The following ATXN7L1 variants were observed in gnomAD, a reference collection of about 807,000 sequenced individuals.
ATXN7L1 encodes the protein ataxin 7 like 1.
In ATXN7L1, 15 loss-of-function variants were observed where a neutral mutation model predicts 70.8. The observed-to-expected ratio is 0.21, with a 90% CI of 0.14 to 0.33. The LOEUF is 0.33. ATXN7L1 is among the 10% of genes least tolerant of loss of function. The pLI is 1.00. For synonymous variants in ATXN7L1, 440 were observed against 445.1 expected, an observed-to-expected ratio of 0.99 and a Z score of 0.14; for missense variants, 975 against 1,097.1, an observed-to-expected ratio of 0.89 and a Z score of 1.57.
intron 2 of ATXN7L1, among the ~76,000 whole-genome samples, chr7:105,815,932 G>A (rs1008444605): frequency 2.6e-5 from 4 of 152,146 alleles, no homozygotes; most frequent in South Asian, 2.1e-4. Context: ...TAGACAAAGC[G>A]GTCTTTTAAA....
intron 4 of ATXN7L1, among the ~76,000 whole-genome samples, chr7:105,659,186 G>T (rs994284114): frequency 6.6e-6 from 1 of 152,164 alleles, no homozygotes; most frequent in Non-Finnish European, 1.5e-5. Context: ...TTCCAATGTG[G>T]CTGTTGAAAA....
chr7:105,620,083 A>T (rs1794707743), intron 9 of ATXN7L1, 117 bp downstream of exon 9: 2 of 1,303,080 alleles, frequency 1.5e-6, no homozygotes, highest in African/African-American at 3.0e-5. Context: ...AAGCATCCTG[A>T]CTTCAGAATC....
intron 5 of ATXN7L1, among the ~76,000 whole-genome samples, chr7:105,641,209 TC>T (rs1798139103): frequency 4.7e-5 from 5 of 105,718 alleles, no homozygotes; most frequent in African/African-American, 1.5e-4. Flanking sequence ...TCTCTCTCTC[TC>T]TCTCTTTTTT....
intron 3 of ATXN7L1, among the ~76,000 whole-genome samples, chr7:105,740,972 G>C (rs1162515182): frequency 5.3e-5 from 8 of 151,880 alleles, no homozygotes; most frequent in Non-Finnish European, 1.2e-4. Flanking sequence ...CACCATGTTA[G>C]CCAGGATGGT....
intron 3 of ATXN7L1, chr7:105,677,971 C>T (rs1562992707): frequency 1.0e-6 from 1 of 985,462 alleles, no homozygotes. Context: ...GGTCCCACAG[C>T]AGCCACTAAT....
chr7:105,688,999 AT>A (rs1790370354), intron 3 of ATXN7L1, among the ~76,000 whole-genome samples: 1 of 152,232 alleles, frequency 6.6e-6, no homozygotes, highest in Non-Finnish European at 1.5e-5. Context: ...TGAATGGACT[AT>A]GGCAAAGTGA....
intron 4 of ATXN7L1, among the ~76,000 whole-genome samples, chr7:105,659,120 C>T (rs1005725699): frequency 6.6e-6 from 1 of 151,584 alleles, no homozygotes; most frequent in Non-Finnish European, 1.5e-5. Flanking sequence ...CTGGGTGACA[C>T]AGCAGGACTC....
intron 3 of ATXN7L1, among the ~76,000 whole-genome samples, chr7:105,695,943 T>C (rs1468118906): frequency 6.6e-6 from 1 of 152,154 alleles, no homozygotes; most frequent in African/African-American, 2.4e-5. Flanking sequence ...TAGGGATGAA[T>C]AGAGGTGTTT....
chr7:105,789,289 T>A lies in ATXN7L1; in HGVS notation c.251-581A>T, dbSNP rs1266844143. The stretch of plus-strand genomic sequence containing the variant: ...TAAATATTTACTGAGTGCCTGAATG[T>A]GCCAGGCACTGTGCTAGGTGCTGGG... On this transcript the variant is annotated intron_variant, in intron 2 of 11. Coordinates refer to ENST00000419735, the MANE Select transcript of ATXN7L1 (RefSeq NM_020725.2). Among the ~76,000 whole-genome samples the A allele has an allele frequency of 7.9e-5, 12 of 152,198 alleles. No homozygotes were observed. The East Asian group carries it at 2.3e-3, about 29-fold the overall frequency.
At chr7:105,673,148 A>T (rs1230295409) in intron 3 of ATXN7L1, among the ~76,000 whole-genome samples, 1 of 152,212 alleles carries the variant, frequency 6.6e-6, no homozygotes, top group Admixed American at 6.5e-5. Context: ...CACTCTCTGA[A>T]GATAAAATCC....
intron 5 of ATXN7L1, 116 bp from the exon 6 acceptor site, chr7:105,639,685 G>T: frequency 2.7e-6 from 2 of 743,920 alleles, no homozygotes; most frequent in Non-Finnish European, 2.2e-6. Context: ...ACATTGTCAG[G>T]CAATCTGTTT....
chr7:105,743,290 T>A lies in ATXN7L1; in HGVS notation c.355+45314A>T, dbSNP rs74931066. On this transcript the variant is annotated intron_variant, in intron 3 of 11. Transcript: ENST00000419735. ...ATCTGTGCCAAGAACTGGGGCCAGGTACTCAGCACATTGCTCCTATTGCCA... is the reference window on the plus strand; with the variant it reads ...ATCTGTGCCAAGAACTGGGGCCAGGAACTCAGCACATTGCTCCTATTGCCA... Among the ~76,000 whole-genome samples the A allele has an allele frequency of 9.9e-5, 15 of 152,132 alleles. No individual in the cohort carries two copies. The East Asian group carries it at 2.5e-3, about 25-fold the overall frequency.
chr7:105,752,589 A>G (rs1373600737), intron 3 of ATXN7L1, among the ~76,000 whole-genome samples: 1 of 152,222 alleles, frequency 6.6e-6, no homozygotes, highest in Non-Finnish European at 1.5e-5. Flanking sequence ...TGGCTCAAAC[A>G]TGTAGTTGAG....
chr7:105,730,619 C>A (rs1796424468), intron 3 of ATXN7L1, among the ~76,000 whole-genome samples: 2 of 152,044 alleles, frequency 1.3e-5, no homozygotes, highest in Non-Finnish European at 2.9e-5. Flanking sequence ...GTAATCCCAG[C>A]TACCCAGGAG....
chr7:105,613,534 T>C (rs1793371066), intron 10 of ATXN7L1: 18 of 1,249,348 alleles, frequency 1.4e-5, no homozygotes, highest in Middle Eastern at 5.7e-4. Context: ...AACTGACCGA[T>C]GTGGAGTGGG....
chr7:105,705,235 A>T (rs1157386313), intron 3 of ATXN7L1, among the ~76,000 whole-genome samples: 1 of 151,974 alleles, frequency 6.6e-6, no homozygotes, highest in African/African-American at 2.4e-5. Flanking sequence ...CATGTTGGCC[A>T]GGCTAGTCTT....
At chr7:105,743,736 C>G (rs919552901) in intron 3 of ATXN7L1, among the ~76,000 whole-genome samples, 1 of 152,180 alleles carries the variant, frequency 6.6e-6, no homozygotes, top group Non-Finnish European at 1.5e-5. Context: ...CTTTCAGAAT[C>G]AGTCAGCAAG....
chr7:105,657,372 G>A (rs1800823826), intron 4 of ATXN7L1, among the ~76,000 whole-genome samples: 1 of 152,128 alleles, frequency 6.6e-6, no homozygotes. Context: ...TATGTGTCTA[G>A]ATCCAGCAGC....
chr7:105,634,171 A>G (rs536622058), intron 7 of ATXN7L1, among the ~76,000 whole-genome samples: 1 of 152,150 alleles, frequency 6.6e-6, no homozygotes, highest in African/African-American at 2.4e-5. Flanking sequence ...AGGTGTTGAC[A>G]CAGTCACGCA....
Sources: gnomAD v4.1 joint callset for allele counts (sites outside exome capture counted in the v4.1 genomes callset) on GRCh38, gnomAD v4.1.1 for gene constraint, MANE v1.5 for transcripts, NCBI Gene and HGNC (gene_info 2026-07-23, HGNC 2026-07-21) for gene names.